DNAH14: variants seen among roughly 807,000 people sequenced by gnomAD.
The protein encoded by DNAH14 is dynein axonemal heavy chain 14, also known as axonemal beta dynein heavy chain 14.
A neutral mutation model predicts 520.9 loss-of-function variants in DNAH14; 478 were observed. The ratio of observed to expected loss-of-function variants is 0.92; its 90% confidence interval spans 0.85 to 0.99. The LOEUF (loss-of-function observed/expected upper bound fraction) is 0.99, where lower values mean the gene tolerates loss of function less well. Among genes scored for constraint, DNAH14 ranks in the 50% least tolerant of loss-of-function variants. The pLI, the probability that DNAH14 is intolerant of heterozygous loss-of-function variation, is 0.00. For missense variants in DNAH14, 4,831 were observed against 5,234.5 expected, an observed-to-expected ratio of 0.92 and a Z score of 2.38; for synonymous variants, 1,581 against 1,757.2, an observed-to-expected ratio of 0.90 and a Z score of 2.51.
intron 23 of DNAH14, among the ~76,000 whole-genome samples, chr1:225,104,251 G>A (rs1462061827): frequency 6.6e-6 from 1 of 152,188 alleles, no homozygotes; most frequent in South Asian, 2.1e-4. Flanking sequence ...GATCATGGTG[G>A]AGAAGCTTTT....
intron 8 of DNAH14, among the ~76,000 whole-genome samples, chr1:224,986,318 T>TAAAAA (rs59261709): frequency 9.1e-5 from 8 of 87,846 alleles, no homozygotes; most frequent in East Asian, 3.2e-4. Context: ...AAAGGCTTAT[T>TAAAAA]AAAAAAAAAA....
intron 15 of DNAH14, among the ~76,000 whole-genome samples, chr1:225,049,810 C>CT (rs5781394): frequency 8.2e-4 from 125 of 151,556 alleles, no homozygotes; most frequent in South Asian, 8.1e-3. Flanking sequence ...ATCTATCTAT[C>CT]AATCATCTAT....
rs1355124632 is a variant in DNAH14 at position 225,240,733 on chromosome 1, G to A, written c.6659G>A (p.Cys2220Tyr). The A allele has an allele frequency of 1.9e-6, 3 of 1,550,614 alleles. No homozygotes were observed. In the African/African-American group the frequency reaches 4.1e-5, roughly 21 times the overall value. The change falls in exon 43 of 86, where the codon TGT (cysteine) becomes TAT (tyrosine). Residue 2220 changes from cysteine (C) to tyrosine (Y), a missense_variant. By Grantham distance (194) the Cys-to-Tyr change is radical. Coordinates refer to ENST00000682510, the MANE Select transcript of DNAH14 (RefSeq NM_001367479.1). ...EDEHRENIPF[C>Y]PSLEPDSLAK... ...GAACACAGAGAAAATATACCATTTTGTCCCAGTCTTGAACCTGATTCTCTT... is the reference window on the plus strand; with the variant it reads ...GAACACAGAGAAAATATACCATTTTATCCCAGTCTTGAACCTGATTCTCTT...
intron 1 of DNAH14, among the ~76,000 whole-genome samples, chr1:224,935,200 C>G (rs907231593): frequency 1.3e-5 from 2 of 151,660 alleles, no homozygotes; most frequent in African/African-American, 4.8e-5. Context: ...ATAAAACAAC[C>G]AAAAAACAAT....
chr1:225,076,176 C>T (rs2072255569), intron 17 of DNAH14, among the ~76,000 whole-genome samples: 1 of 152,186 alleles, frequency 6.6e-6, no homozygotes. Flanking sequence ...AACCCAAGGC[C>T]ACTGAAGGTG....
intron 49 of DNAH14, among the ~76,000 whole-genome samples, 169 bp downstream of exon 49, chr1:225,266,938 A>C (rs1479461844): frequency 1.3e-5 from 2 of 152,198 alleles, no homozygotes; most frequent in African/African-American, 4.8e-5. Flanking sequence ...ATATATTTGC[A>C]ATGTAGGTCC....
At chr1:225,092,577 A>G (rs2074493365) in intron 21 of DNAH14, among the ~76,000 whole-genome samples, 1 of 151,812 alleles carries the variant, frequency 6.6e-6, no homozygotes, top group Non-Finnish European at 1.5e-5. Flanking sequence ...CATGAAAAAG[A>G]AAGAGCTCAA....
chr1:225,196,096 C>T (rs76184373), intron 38 of DNAH14, among the ~76,000 whole-genome samples: 17,022 of 151,668 alleles, frequency 0.11, 1,475 homozygotes, highest in East Asian at 0.23. Context: ...TGGTGATTTG[C>T]GAGATTTTGC....
intron 30 of DNAH14, among the ~76,000 whole-genome samples, chr1:225,146,679 G>C (rs991011361): frequency 6.6e-6 from 1 of 152,166 alleles, no homozygotes; most frequent in African/African-American, 2.4e-5. Flanking sequence ...AAGCCATAAG[G>C]CATCTTTGCC....
At chr1:225,006,550 G>GATAA (rs35524864) in intron 9 of DNAH14, among the ~76,000 whole-genome samples, 128,850 of 151,814 alleles carry the variant, frequency 0.85, 56,147 homozygotes, top group Non-Finnish European at 0.96. Context: ...TGGGGTTGAA[G>GATAA]ATAAGGGATG....
rs1006154765 is a variant in DNAH14 at position 225,132,798 on chromosome 1, A to G, written c.4255-7970A>G. On this transcript the variant is annotated intron_variant, in intron 27 of 85. Transcript: ENST00000682510. The stretch of plus-strand genomic sequence containing the variant: ...TAGGTCTTTGAGGAATCGCCACACT[A>G]TCTTCCATGATGTTAAACTGATTTA... Among the ~76,000 whole-genome samples the G allele has an allele frequency of 4.6e-5, 7 of 152,120 alleles. 1 individual carries two copies. In the South Asian group the frequency reaches 8.3e-4, roughly 18 times the overall value.
rs536770749 is a variant in DNAH14 at position 224,960,572 on chromosome 1, CTG to C, written c.367+272_367+273del. On this transcript the variant is annotated intron_variant, in intron 4 of 85. Coordinates refer to ENST00000682510, the MANE Select transcript of DNAH14 (RefSeq NM_001367479.1). ...TATGATTTTAGAACTATAATATAAACTGTATGGTTTTTTACATACAACTGTAG... is the reference window on the plus strand; with the variant it reads ...TATGATTTTAGAACTATAATATAAACTATGGTTTTTTACATACAACTGTAG... 5.0e-3 allele frequency among the ~76,000 whole-genome samples: 766 copies of C among 152,116 alleles called. 6 individuals are homozygous for C. Among genetic ancestry groups the C allele is most frequent in the African/African-American group, 0.017 (723 of 41,520 alleles).
intron 38 of DNAH14, 121 bp from the exon 39 acceptor site, chr1:225,204,062 G>C: frequency 1.9e-6 from 1 of 518,774 alleles, no homozygotes; most frequent in South Asian, 3.5e-5. Context: ...GGTCTTTTCA[G>C]TTACAGAACC....
At chr1:225,357,890 C>T (rs1159124116) in intron 73 of DNAH14, 1 of 699,614 alleles carries the variant, frequency 1.4e-6, no homozygotes, top group Admixed American at 2.0e-5. Context: ...TTGTATAAAA[C>T]AGTTTTTATG....
Position 225,113,416 on chromosome 1 carries a change from A to ATGG in DNAH14, c.3868-4264_3868-4262dup, listed in dbSNP as rs556230593. ...GCATGTGGCCACCATCACTGGAGCC[A>ATGG]TGGTGGGTCAGACCTGAAGCCAGCA... On this transcript the variant is annotated intron_variant, in intron 23 of 85. Transcript: ENST00000682510. 5.8e-4 allele frequency among the ~76,000 whole-genome samples: 89 copies of ATGG among 152,316 alleles called. 2 individuals are homozygous for ATGG. In the South Asian group the frequency reaches 0.017, roughly 30 times the overall value.
At chr1:225,132,112 A>G (rs551376174) in intron 27 of DNAH14, among the ~76,000 whole-genome samples, 1 of 152,098 alleles carries the variant, frequency 6.6e-6, no homozygotes, top group Admixed American at 6.6e-5. Flanking sequence ...TCGGTAAACT[A>G]TATTATATCT....
At position 225,172,510 on chromosome 1, in the gene DNAH14, A is replaced by G. The variant is rs558800452; in HGVS notation, c.5535+4482A>G. On this transcript the variant is annotated intron_variant, in intron 36 of 85. Transcript: ENST00000682510. ...CCAAATCATGAGTGAACTCCCATTC[A>G]CAATTGCTTCAAAGAGAATAAAGTA... Among the ~76,000 whole-genome samples, 4 of 152,324 alleles carry G rather than the reference A, an allele frequency of 2.6e-5. No homozygotes were observed. The East Asian group carries it at 7.7e-4, about 29-fold the overall frequency.
intron 10 of DNAH14, among the ~76,000 whole-genome samples, chr1:225,021,306 A>G (rs2065671205): frequency 6.6e-6 from 1 of 152,242 alleles, no homozygotes; most frequent in African/African-American, 2.4e-5. Flanking sequence ...CAGATCAATT[A>G]TGCAAGAGAG....
chr1:224,997,393 A>G (rs1322921447), intron 8 of DNAH14, among the ~76,000 whole-genome samples: 2 of 152,124 alleles, frequency 1.3e-5, no homozygotes, highest in Non-Finnish European at 2.9e-5. Context: ...CAGTGGGATC[A>G]AAGTGAGATA....
Sources: gnomAD v4.1 joint callset for allele counts (sites outside exome capture counted in the v4.1 genomes callset) on GRCh38, gnomAD v4.1.1 for gene constraint, MANE v1.5 for transcripts, NCBI Gene and HGNC (gene_info 2026-07-23, HGNC 2026-07-21) for gene names.